The following AFF1 variants were observed in gnomAD, a reference collection of about 807,000 sequenced individuals.
AFF1 encodes the protein AF4/FMR2 family member 1.
A neutral mutation model predicts 121.7 loss-of-function variants in AFF1; 48 were observed. The ratio of observed to expected loss-of-function variants is 0.39; its 90% CI spans 0.31 to 0.50. The LOEUF (loss-of-function observed/expected upper bound fraction) is 0.50. Among genes scored for constraint, AFF1 ranks in the 20% least tolerant of loss-of-function variants. The pLI, the probability that AFF1 is intolerant of heterozygous loss-of-function variation, is 0.76. For missense variants in AFF1, 1,523 were observed against 1,511.7 expected, an observed-to-expected ratio of 1.01 and a Z score of -0.12; for synonymous variants, 613 against 563.0, an observed-to-expected ratio of 1.09 and a Z score of -1.26.
intron 2 of AFF1, among the ~76,000 whole-genome samples, chr4:87,017,006 T>A (rs1014376988): frequency 1.3e-5 from 2 of 152,002 alleles, no homozygotes; most frequent in South Asian, 4.1e-4. Context: ...GTTGTCCCAA[T>A]TTTTTAAAAA....
chr4:86,998,687 C>T (rs180743602), intron 2 of AFF1, among the ~76,000 whole-genome samples: 1 of 151,954 alleles, frequency 6.6e-6, no homozygotes, highest in Non-Finnish European at 1.5e-5. Flanking sequence ...AATCAAAAAA[C>T]TCTGATACTA....
intron 1 of AFF1, among the ~76,000 whole-genome samples, chr4:86,945,327 T>C (rs1285177793): frequency 2.9e-5 from 2 of 69,036 alleles, no homozygotes; most frequent in African/African-American, 6.2e-5. Context: ...TCCTTTTTTT[T>C]TTTTTTTTTT....
intron 4 of AFF1, among the ~76,000 whole-genome samples, chr4:87,073,431 T>G (rs1406162074): frequency 6.6e-6 from 1 of 152,114 alleles, no homozygotes; most frequent in Non-Finnish European, 1.5e-5. Flanking sequence ...TGTTTGGGGC[T>G]CAGATTGCTT....
intron 4 of AFF1, among the ~76,000 whole-genome samples, chr4:87,078,492 CAG>C: frequency 6.6e-6 from 1 of 152,232 alleles, no homozygotes; most frequent in African/African-American, 2.4e-5. Flanking sequence ...GATGCAATAA[CAG>C]AGAATGTACG....
chr4:87,022,774 AT>A (rs1215674992), intron 2 of AFF1, among the ~76,000 whole-genome samples: 1 of 150,500 alleles, frequency 6.6e-6, no homozygotes, highest in Admixed American at 6.6e-5. Context: ...ATGTGTGTGT[AT>A]ATATATACAT....
At chr4:87,108,433 C>A in intron 11 of AFF1, 118 bp downstream of exon 11, 1 of 1,087,916 alleles carries the variant, frequency 9.2e-7, no homozygotes, top group Non-Finnish European at 1.3e-6. Flanking sequence ...TCCCATGGGG[C>A]AATGCTTTCC....
intron 11 of AFF1, among the ~76,000 whole-genome samples, chr4:87,113,407 A>G (rs769460680): frequency 6.6e-5 from 10 of 151,980 alleles, no homozygotes; most frequent in Non-Finnish European, 1.0e-4. Context: ...AGTAGCTGGG[A>G]CCACAGGCAC....
chr4:87,072,261 T>G (rs544583183), intron 4 of AFF1, among the ~76,000 whole-genome samples: 6 of 149,474 alleles, frequency 4.0e-5, no homozygotes, highest in Admixed American at 6.7e-5. Flanking sequence ...TACTCAGGAG[T>G]CTGAGGCAGG....
At chr4:87,010,627 A>G (rs1170460262) in intron 2 of AFF1, among the ~76,000 whole-genome samples, 1 of 152,166 alleles carries the variant, frequency 6.6e-6, no homozygotes, top group African/African-American at 2.4e-5. Flanking sequence ...TTTTTCCTGC[A>G]AGAATTAACA....
intron 4 of AFF1, among the ~76,000 whole-genome samples, chr4:87,061,044 G>A (rs897618068): frequency 2.6e-5 from 4 of 152,146 alleles, no homozygotes; most frequent in Non-Finnish European, 5.9e-5. Flanking sequence ...GCTAAGACAA[G>A]GGAAAACACT....
At chr4:87,023,013 T>G (rs1190623898) in intron 2 of AFF1, among the ~76,000 whole-genome samples, 1 of 151,960 alleles carries the variant, frequency 6.6e-6, no homozygotes, top group East Asian at 1.9e-4. Flanking sequence ...AGTGATCCTC[T>G]TGCCTCACCC....
intron 4 of AFF1, 77 bp from the exon 5 acceptor site, chr4:87,084,043 T>C: frequency 7.5e-7 from 1 of 1,334,552 alleles, no homozygotes; most frequent in East Asian, 2.3e-5. Flanking sequence ...TATTGCTGCA[T>C]TAATACAGTC....
chr4:86,963,389 A>ACT (rs1722291902), intron 2 of AFF1, among the ~76,000 whole-genome samples: 1 of 152,126 alleles, frequency 6.6e-6, no homozygotes, highest in Middle Eastern at 3.2e-3. Context: ...TCAACTAGGA[A>ACT]CTAGGGAGAG....
At chr4:87,094,584 G>A (rs377308124) in intron 7 of AFF1, among the ~76,000 whole-genome samples, 4 of 152,162 alleles carry the variant, frequency 2.6e-5, no homozygotes, top group South Asian at 2.1e-4. Flanking sequence ...GACCCAGGGC[G>A]CTGGGAGCAT....
chr4:86,949,746 T>C, intron 2 of AFF1: 2 of 1,609,286 alleles, frequency 1.2e-6, no homozygotes, highest in South Asian at 1.1e-5. Context: ...TGCTTGCCCT[T>C]GGCCCAGATG....
intron 11 of AFF1, among the ~76,000 whole-genome samples, chr4:87,108,528 TTC>T (rs1478108901): frequency 1.3e-5 from 2 of 152,210 alleles, no homozygotes; most frequent in African/African-American, 4.8e-5. Flanking sequence ...GAGAGAGGTC[TTC>T]TCTCCCCTGT....
chr4:87,059,567 A>G (rs1720518109), intron 4 of AFF1, among the ~76,000 whole-genome samples: 1 of 152,146 alleles, frequency 6.6e-6, no homozygotes, highest in Non-Finnish European at 1.5e-5. Context: ...CACATGAGTG[A>G]TTTGATTAAG....
chr4:87,046,802 T>C lies in AFF1; in HGVS notation c.267T>C (p.Ala89=). 1 of 1,614,204 alleles carries C rather than the reference T, an allele frequency of 6.2e-7. No homozygotes were observed. Among genetic ancestry groups the C allele is most frequent in the South Asian group, 1.1e-5 (1 of 91,082 alleles). Residue 89 remains alanine, a synonymous_variant, in exon 4 of 21, where the codon GCT becomes GCC. Transcript: ENST00000395146. The part of the protein sequence containing the change: ...STKSHTHRLD[A]SENRLGKPKY... The stretch of plus-strand genomic sequence containing the variant: ...AGTCTCACACTCATCGCCTGGATGC[T>C]TCTGAAAATAGGTTGGGAAAGCCGA...
At chr4:86,958,664 G>A (rs1463002748) in intron 2 of AFF1, among the ~76,000 whole-genome samples, 1 of 152,108 alleles carries the variant, frequency 6.6e-6, no homozygotes, top group Non-Finnish European at 1.5e-5. Flanking sequence ...GTTGCAGTGA[G>A]CCGAGATTGT....
Sources: gnomAD v4.1 joint callset for allele counts (sites outside exome capture counted in the v4.1 genomes callset) on GRCh38, gnomAD v4.1.1 for gene constraint, MANE v1.5 for transcripts, NCBI Gene and HGNC (gene_info 2026-07-23, HGNC 2026-07-21) for gene names.